Variants in ACAN observed in about 807,000 individuals in gnomAD.
ACAN encodes the protein aggrecan.
In ACAN, 47 loss-of-function variants were observed where a neutral mutation model predicts 169.1. That is an observed-to-expected ratio of 0.28 (90% CI 0.22 to 0.35). ACAN has a LOEUF of 0.35. Ranked by LOEUF, ACAN falls within the 10% of genes least tolerant of loss-of-function variation. The pLI is 1.00. For missense variants in ACAN, 2,716 were observed against 2,759.9 expected (o/e 0.98, Z 0.36); for synonymous variants, 1,115 against 1,112.2 (o/e 1.00, Z -0.05).
At position 88,841,164 on chromosome 15, in the gene ACAN, C is replaced by G. The variant is rs138175751; in HGVS notation, c.630-576C>G. On this transcript the variant is annotated intron_variant, in intron 4 of 18. Transcript: ENST00000560601. ...CGTCTCAAAAAATAAAAGAACTGTA[C>G]TCAAATTCCAGCTCTGGCACTTGGA... Among the ~76,000 whole-genome samples, 770 of 152,300 alleles carry G rather than the reference C, an allele frequency of 5.1e-3. 7 individuals are homozygous for G. The highest frequency in any genetic ancestry group is 0.018 in the African/African-American group (740 of 41,560).
chr15:88,817,417 T>A (rs1488748867), intron 1 of ACAN, among the ~76,000 whole-genome samples: 4 of 152,146 alleles, frequency 2.6e-5, no homozygotes, highest in African/African-American at 9.7e-5. Flanking sequence ...GCTGGGATTA[T>A]AGGCATGAGC....
chr15:88,847,180 T>A, intron 7 of ACAN, 63 bp from the exon 8 acceptor site: 1 of 1,454,388 alleles, frequency 6.9e-7, no homozygotes, highest in East Asian at 2.6e-5. Flanking sequence ...TCTGTGCCCA[T>A]GGAGCCTTGG....
chr15:88,868,297 T>C lies in ACAN; in HGVS notation c.7028T>C (p.Leu2343Pro), dbSNP rs1393596987. 1.4e-6 allele frequency: 1 copy of C among 702,834 alleles called. No individual in the cohort carries two copies. Among genetic ancestry groups the C allele is most frequent in the Non-Finnish European group, 2.6e-6 (1 of 384,842 alleles). 43.5% of individuals were successfully genotyped at this position (702,834 alleles called of 1,614,324 possible). ...DAIDSFTCLC[L>P]PSYEGDLCEI... is the part of the protein sequence containing the mutation. ...ATCGACTCTTTCACATGCTTATGCC[T>C]TCCCAGCTACGAAGGGGACCTGTGT... The change falls in exon 14 of 19, where the codon CTT (leucine) becomes CCT (proline). Residue 2343 changes from leucine to proline, a missense_variant. By Grantham distance (98) the Leu-to-Pro change is moderately conservative (BLOSUM62 -3). Transcript: ENST00000560601. The surrounding 1 kb of genome is among the most constrained non-coding windows in gnomAD (Gnocchi z 5.2).
rs763276448 is a variant in ACAN, at chr15:88,847,412, C to G, written c.1599C>G (p.Thr533=). The G allele has an allele frequency of 5.7e-6, 9 of 1,572,064 alleles. No homozygotes were observed. In the African/African-American group the frequency reaches 8.1e-5, roughly 14 times the overall value. Residue 533 remains threonine, a synonymous_variant, in exon 8 of 19, where the codon ACC becomes ACG. Coordinates refer to ENST00000560601, the MANE Select transcript of ACAN (RefSeq NM_001369268.1). ...ACGCCGGCTGGCTGCGGGACCAGAC[C>G]GTCAGGTGAAGCCATGCTCCTCGCC... ...QCDAGWLRDQ[T]VRYPIVSPRT...
chr15:88,838,685 C>T lies in ACAN; in HGVS notation c.93C>T (p.Val31=), dbSNP rs1457808102. ...ETSDHDNSLS[V]SIPQPSPLRV... is the part of the protein sequence containing the mutation. Reference sequence around the variant, plus strand: ...CAGACCATGACAACTCGCTGAGTGTCAGCATCCCCCAACCGTCCCCGCTGA... The same window carrying T: ...CAGACCATGACAACTCGCTGAGTGTTAGCATCCCCCAACCGTCCCCGCTGA... Residue 31 remains valine, a synonymous_variant, in exon 3 of 19, where the codon GTC becomes GTT. Transcript: ENST00000560601. This position sits in a 1 kb window ranked among gnomAD's most constrained non-coding sequence, Gnocchi z 5.1. 6.3e-7 allele frequency: 1 copy of T among 1,591,656 alleles called. No homozygotes were observed. The highest frequency in any genetic ancestry group is 8.6e-7 in the Non-Finnish European group (1 of 1,167,514).
chr15:88,839,931 C>T lies in ACAN; in HGVS notation c.455-81C>T. The T allele has an allele frequency of 6.6e-7, 1 of 1,504,778 alleles. No homozygotes were observed. Among genetic ancestry groups the T allele is most frequent in the African/African-American group, 1.4e-5 (1 of 72,486 alleles). 93.2% of individuals were successfully genotyped at this position (1,504,778 alleles called of 1,614,324 possible). A position where few individuals can be genotyped will look rare whatever the true frequency, so the allele number is the denominator to read the frequency against. On this transcript the variant is annotated intron_variant, in intron 3 of 18. Coordinates refer to ENST00000560601, the MANE Select transcript of ACAN (RefSeq NM_001369268.1). The surrounding 1 kb of genome is among the most constrained non-coding windows in gnomAD (Gnocchi z 4.5). ...TTCCCTAAGGTCCCTTTGACTATTG[C>T]CATAATTCTGCGAGGGCCTCGGTGA...
rs1895587026 is a variant in ACAN at position 88,803,457 on chromosome 15, C to T, written c.-360C>T. On this transcript the variant is annotated 5_prime_UTR_variant, in exon 1 of 19. Coordinates refer to ENST00000560601, the MANE Select transcript of ACAN (RefSeq NM_001369268.1). ...GCCCGCCCGCCCACCTACCTCCCCG[C>T]CGCTCCAGAGGGGGCTCGCAGAGCT... The T allele has an allele frequency of 6.7e-6, 1 of 148,558 alleles. No individual in the cohort carries two copies. 9.2% of individuals were successfully genotyped at this position (148,558 alleles called of 1,614,324 possible).
chr15:88,865,747 C>T (rs1397526378), intron 13 of ACAN, among the ~76,000 whole-genome samples: 2 of 152,202 alleles, frequency 1.3e-5, no homozygotes, highest in Non-Finnish European at 2.9e-5. Context: ...TTCCAGAAGG[C>T]ATGAGATGTC....
Position 88,807,085 on chromosome 15 carries a change from A to G in ACAN, c.-8+3276A>G, listed in dbSNP as rs971644949. ...TCCCAATGATGTTTCTGTCTCAGAA[A>G]TTTCAGCATTGTGGCCCTAGGTGGC... is the stretch of plus-strand genomic sequence containing the variant. On this transcript the variant is annotated intron_variant, in intron 1 of 18. Transcript: ENST00000560601. The surrounding 1 kb of genome is among the most constrained non-coding windows in gnomAD (Gnocchi z 4.0). 6.6e-6 allele frequency among the ~76,000 whole-genome samples: 1 copy of G among 152,034 alleles called. No homozygotes were observed. Among genetic ancestry groups the G allele is most frequent in the African/African-American group, 2.4e-5 (1 of 41,378 alleles).
chr15:88,839,222 T>C lies in ACAN; in HGVS notation c.454+176T>C, dbSNP rs114581150. On this transcript the variant is annotated intron_variant, in intron 3 of 18. Coordinates refer to ENST00000560601, the MANE Select transcript of ACAN (RefSeq NM_001369268.1). This position sits in a 1 kb window ranked among gnomAD's most constrained non-coding sequence, Gnocchi z 4.5. ...ATGGAGCTGGTAATATCATTCTCTC[T>C]GGACTTAGGGAGCATTAAATACTTC... is the stretch of plus-strand genomic sequence containing the variant. 5.3e-3 allele frequency among the ~76,000 whole-genome samples: 800 copies of C among 152,350 alleles called. 7 individuals are homozygous for C. Among genetic ancestry groups the C allele is most frequent in the African/African-American group, 0.018 (756 of 41,578 alleles).
At position 88,857,183 on chromosome 15, in the gene ACAN, A is replaced by T. The variant is rs765471639; in HGVS notation, c.4598A>T (p.Glu1533Val). The stretch of plus-strand genomic sequence containing the variant: ...CTCAGCAGGCTCCCTTCTGGAGAAG[A>T]AGTTCTAGAGATTTCTGCCTCTGGA... ...EDLSRLPSGEEVLEISASGFG... is the reference protein window; with the variant it reads ...EDLSRLPSGEVVLEISASGFG... The change falls in exon 12 of 19, where the codon GAA (glutamate) becomes GTA (valine). Residue 1533 changes from glutamate to valine, a missense_variant. By Grantham distance (121) the Glu-to-Val change is moderately radical. Coordinates refer to ENST00000560601, the MANE Select transcript of ACAN (RefSeq NM_001369268.1). 1 of 1,613,458 alleles carries T rather than the reference A, an allele frequency of 6.2e-7. No individual in the cohort carries two copies. Among genetic ancestry groups the T allele is most frequent in the Non-Finnish European group, 8.5e-7 (1 of 1,179,802 alleles).
At chr15:88,864,546 T>C (rs573373090) in intron 13 of ACAN, among the ~76,000 whole-genome samples, 1 of 152,340 alleles carries the variant, frequency 6.6e-6, no homozygotes, top group East Asian at 1.9e-4. Flanking sequence ...ATTACAAGTG[T>C]GAGCCACCGC....
intron 1 of ACAN, among the ~76,000 whole-genome samples, chr15:88,833,976 GAGCC>G (rs1394304994): frequency 6.6e-6 from 1 of 152,168 alleles, no homozygotes; most frequent in Non-Finnish European, 1.5e-5. Flanking sequence ...GGGAAGAGAG[GAGCC>G]GGAAAGTCTA....
intron 1 of ACAN, among the ~76,000 whole-genome samples, chr15:88,827,032 G>C (rs1779119600): frequency 1.3e-5 from 2 of 152,176 alleles, no homozygotes; most frequent in East Asian, 1.9e-4. Context: ...CTAAGGATAA[G>C]AAACGGCACA....
In ACAN at chr15:88,858,331, A is replaced by G. The variant is rs1897110130; in HGVS notation, c.5746A>G (p.Ser1916Gly). 6.2e-7 allele frequency: 1 copy of G among 1,613,848 alleles called. No individual in the cohort carries two copies. The change falls in exon 12 of 19, where the codon AGC (serine) becomes GGC (glycine). Residue 1916 changes from serine to glycine, a missense_variant. Around this residue, in one of 3 missense-constraint regions of ACAN, gnomAD observed 1,389 missense variants for 1,363.7 expected, o/e 1.02. Transcript: ENST00000560601. This position sits in a 1 kb window ranked among gnomAD's most constrained non-coding sequence, Gnocchi z 4.0. ...ATCCTCCAGAGCTGAGATTGGGAGC[A>G]GCCTGCCCTCGGGAGCATATTATGG... ...GESSRAEIGSSLPSGAYYGSG... is the reference protein window; with the variant it reads ...GESSRAEIGSGLPSGAYYGSG...
chr15:88,843,361 T>C lies in ACAN; in HGVS notation c.764T>C (p.Val255Ala), dbSNP rs761319997. The change falls in exon 6 of 19, where the codon GTC becomes GCC. Residue 255 changes from valine (V) to alanine (A), a missense_variant. Val to Ala is a moderately conservative substitution (Grantham distance 64, BLOSUM62 0). This residue lies in a region of ACAN where 1,283 missense variants were observed against 1,281.5 expected (regional missense o/e 1.00). Transcript: ENST00000560601. This position sits in a 1 kb window ranked among gnomAD's most constrained non-coding sequence, Gnocchi z 4.0. ...CTGGCTGTGTCCTTCACAGGTGAGG[T>C]CTTTTATGCAACATCTCCAGAGAAG... is the stretch of plus-strand genomic sequence containing the variant. ...YCFAEEMEGE[V>A]FYATSPEKFT... The C allele has an allele frequency of 6.4e-7, 1 of 1,572,042 alleles. No individual in the cohort carries two copies. Among genetic ancestry groups the C allele is most frequent in the Non-Finnish European group, 8.7e-7 (1 of 1,153,298 alleles).
At chr15:88,841,987 T>G in intron 5 of ACAN, 120 bp downstream of exon 5, 1 of 1,327,274 alleles carries the variant, frequency 7.5e-7, no homozygotes, top group Non-Finnish European at 1.0e-6. Context: ...TGACACACTC[T>G]GTCCTCCTCT....
chr15:88,846,001 C>G, intron 7 of ACAN, 119 bp downstream of exon 7: 3 of 1,152,110 alleles, frequency 2.6e-6, no homozygotes, highest in Non-Finnish European at 3.5e-6. Context: ...GGACAATGTT[C>G]TCTCCTCTCA....
intron 1 of ACAN, among the ~76,000 whole-genome samples, chr15:88,823,428 G>T (rs11629930): frequency 0.19 from 28,726 of 151,046 alleles, 3,230 homozygotes; most frequent in East Asian, 0.34. Flanking sequence ...TTTTTTTCTT[G>T]TTTTTTCTCA....
Sources: gnomAD v4.1 joint callset for allele counts (sites outside exome capture counted in the v4.1 genomes callset) on GRCh38, gnomAD v4.1.1 for gene constraint, gnomAD v4.1.1 regional missense constraint, Gnocchi (gnomAD v3.1) non-coding constraint, MANE v1.5 for transcripts, NCBI Gene and HGNC (gene_info 2026-07-23, HGNC 2026-07-21) for gene names.